Variants in COL16A1 observed in about 807,000 individuals in gnomAD.
The protein encoded by COL16A1 is collagen alpha-1(XVI) chain.
COL16A1 carries 189 observed loss-of-function variants against 266.3 expected under a neutral mutation model. The ratio of observed to expected loss-of-function variants is 0.71; its 90% CI spans 0.63 to 0.80. The LOEUF (loss-of-function observed/expected upper bound fraction) is 0.80, where lower values mean the gene tolerates loss of function less well. COL16A1 is among the 30% of genes least tolerant of loss of function. The pLI is 0.00. For missense variants in COL16A1, 1,928 were observed against 2,122.4 expected (o/e 0.91, Z 1.80); for synonymous variants, 740 against 782.3 (o/e 0.95, Z 0.90).
At chr1:31,691,922 G>A in intron 17 of COL16A1, 83 bp downstream of exon 17, 2 of 1,598,274 alleles carry the variant, frequency 1.3e-6, no homozygotes, top group Non-Finnish European at 1.7e-6. Flanking sequence ...CAAGGGGAGG[G>A]GGCTGGATTC....
intron 11 of COL16A1, 120 bp downstream of exon 11, chr1:31,695,066 C>G (rs1300643065): frequency 9.1e-6 from 9 of 986,644 alleles, no homozygotes; most frequent in Admixed American, 2.0e-5. Flanking sequence ...GGGCAGGGAG[C>G]GAGTGTGAAA....
chr1:31,694,500 C>T (rs1644409183), intron 11 of COL16A1, among the ~76,000 whole-genome samples: 1 of 152,162 alleles, frequency 6.6e-6, no homozygotes, highest in Non-Finnish European at 1.5e-5. Context: ...TGGTGGGGGA[C>T]TGGATTGAAA....
In COL16A1 at chr1:31,681,027, G is replaced by A. The variant is rs1643599767; in HGVS notation, c.2579C>T (p.Thr860Ile). 1.9e-6 allele frequency: 3 copies of A among 1,613,708 alleles called. No homozygotes were observed. Among genetic ancestry groups the A allele is most frequent in the Non-Finnish European group, 2.5e-6 (3 of 1,179,808 alleles). The change falls in exon 38 of 71, where the codon ACA (threonine) becomes ATA (isoleucine). Residue 860 changes from threonine to isoleucine, a missense_variant. Around this residue, in one of 2 missense-constraint regions of COL16A1, gnomAD observed 1,552 missense variants for 1,637.2 expected, o/e 0.95. Coordinates refer to ENST00000373672, the MANE Select transcript of COL16A1 (RefSeq NM_001856.4). ...GQQGQTGLRGTPGEKGPRGEK... is the reference protein window; with the variant it reads ...GQQGQTGLRGIPGEKGPRGEK... ...GCCCCAAGGCACTGTACTCACTGGT[G>A]TTCCTCTGAGTCCCGTCTGTCCTTG...
Position 31,690,552 on chromosome 1 carries a change from T to C in COL16A1, c.1459A>G (p.Lys487Glu), listed in dbSNP as rs1197064083. The C allele has an allele frequency of 6.2e-7, 1 of 1,613,790 alleles. No homozygotes were observed. Among genetic ancestry groups the C allele is most frequent in the South Asian group, 1.1e-5 (1 of 91,064 alleles). Residue 487 changes from lysine to glutamate, a missense_variant, in exon 21 of 71, where the codon AAG (lysine) becomes GAG (glutamate). Lys to Glu is a moderately conservative substitution (Grantham distance 56). Around this residue, in one of 2 missense-constraint regions of COL16A1, gnomAD observed 1,552 missense variants for 1,637.2 expected, o/e 0.95. Coordinates refer to ENST00000373672, the MANE Select transcript of COL16A1 (RefSeq NM_001856.4). Reference sequence around the variant, plus strand: ...ACAGGTTTCCCACCAGGGCCTTCCTTTCCTGGGATCCCCGAGCTGCCCTGT... The same window carrying C: ...ACAGGTTTCCCACCAGGGCCTTCCTCTCCTGGGATCCCCGAGCTGCCCTGT... ...GDKGSSGIPG[K>E]EGPGGKPGKP...
chr1:31,702,864 C>T (rs1344071625), intron 1 of COL16A1, among the ~76,000 whole-genome samples: 1 of 152,128 alleles, frequency 6.6e-6, no homozygotes, highest in Non-Finnish European at 1.5e-5. Flanking sequence ...ACCTCATTGC[C>T]AGCCACCCCC....
chr1:31,678,113 T>C (rs1321750308), intron 42 of COL16A1, among the ~76,000 whole-genome samples: 1 of 150,934 alleles, frequency 6.6e-6, no homozygotes, highest in Admixed American at 6.6e-5. Flanking sequence ...ATTGGGATCC[T>C]GGCAGAGACT....
rs115606583 is a variant in COL16A1, at chr1:31,692,475, T to C, written c.1193A>G (p.Lys398Arg). ...CCCCTCCAAATCCAGGCTTGTTACC[T>C]TCTCGCCTGTTGAGCCTGGGAGTCC... ...PSGLPGSTGE[K>R]GQKGEKGDGG... The change falls in exon 16 of 71, where the codon AAG becomes AGG. Residue 398 changes from lysine to arginine, a missense_variant and splice_region_variant. Transcript: ENST00000373672. 10,370 of 1,613,108 alleles carry C rather than the reference T, an allele frequency of 6.4e-3. 42 individuals are homozygous for C. Among genetic ancestry groups the C allele is most frequent in the Non-Finnish European group, 7.3e-3 (8,594 of 1,179,320 alleles).
At position 31,698,349 on chromosome 1, in the gene COL16A1, G is replaced by C. The variant is rs2297674; in HGVS notation, c.390+134C>G. On this transcript the variant is annotated intron_variant, in intron 5 of 70. Transcript: ENST00000373672. This position sits in a 1 kb window ranked among gnomAD's most constrained non-coding sequence, Gnocchi z 4.1. Reference sequence around the variant, plus strand: ...TGAAAGAATGAGGTAGGTACTGGTGGGCTGGGGACAGGCTTGAGGGTAGGC... The same window carrying C: ...TGAAAGAATGAGGTAGGTACTGGTGCGCTGGGGACAGGCTTGAGGGTAGGC... The C allele has an allele frequency of 0.63, 954,666 of 1,521,124 alleles. 302,802 individuals carry two copies. The highest frequency in any genetic ancestry group is 0.65 in the Non-Finnish European group (728,897 of 1,127,834). 94.2% of individuals were successfully genotyped at this position (1,521,124 alleles called of 1,614,324 possible). A position where few individuals can be genotyped will look rare whatever the true frequency, so the allele number is the denominator to read the frequency against.
rs767815437 is a variant in COL16A1, at chr1:31,685,763, G to T, written c.1892C>A (p.Pro631His). The T allele has an allele frequency of 2.6e-5, 42 of 1,613,658 alleles. No homozygotes were observed. Among genetic ancestry groups the T allele is most frequent in the Non-Finnish European group, 3.3e-5 (39 of 1,179,946 alleles). Reference sequence around the variant, plus strand: ...GGACAGGGCTGGGCACGGCTCACAGGGCTCCCCCTGCCAAGCAAGGACATT... The same window carrying T: ...GGACAGGGCTGGGCACGGCTCACAGTGCTCCCCCTGCCAAGCAAGGACATT... ...PAGIKGAKGE[P>H]CEPCPALSNL... Residue 631 changes from proline to histidine, a missense_variant, in exon 29 of 71, where the codon CCC becomes CAC. Pro to His is a moderately conservative substitution (Grantham distance 77, BLOSUM62 -2). Around this residue, in one of 2 missense-constraint regions of COL16A1, gnomAD observed 1,552 missense variants for 1,637.2 expected, o/e 0.95. Coordinates refer to ENST00000373672, the MANE Select transcript of COL16A1 (RefSeq NM_001856.4). The surrounding 1 kb of genome is among the most constrained non-coding windows in gnomAD (Gnocchi z 4.0).
At chr1:31,681,627 C>T (rs1643648299) in intron 37 of COL16A1, among the ~76,000 whole-genome samples, 1 of 152,232 alleles carries the variant, frequency 6.6e-6, no homozygotes, top group Non-Finnish European at 1.5e-5. Context: ...GGATGGAATT[C>T]AGCATGAGTA....
In COL16A1 at chr1:31,694,412, C is replaced by T. The variant is rs369097716; in HGVS notation, c.982-242G>A. 2.0e-5 allele frequency among the ~76,000 whole-genome samples: 3 copies of T among 152,224 alleles called. No individual in the cohort carries two copies. In the South Asian group the frequency reaches 6.2e-4, roughly 32 times the overall value. ...GCCTGGCTTTGGTTAGCTCCGCCTCCCAGTTGCTGGGATAACATGGCTGCT... is the reference window on the plus strand; with the variant it reads ...GCCTGGCTTTGGTTAGCTCCGCCTCTCAGTTGCTGGGATAACATGGCTGCT... On this transcript the variant is annotated intron_variant, in intron 11 of 70. Coordinates refer to ENST00000373672, the MANE Select transcript of COL16A1 (RefSeq NM_001856.4).
chr1:31,661,155 C>A (rs1317974036), intron 60 of COL16A1, 36 bp from the exon 61 acceptor site: 2 of 1,552,764 alleles, frequency 1.3e-6, no homozygotes. Context: ...CTTACCAGAC[C>A]TTCACTTGAC....
chr1:31,653,431 TC>T (rs1349124177), intron 70 of COL16A1, 167 bp downstream of exon 70: 8 of 783,826 alleles, frequency 1.0e-5, no homozygotes, highest in Non-Finnish European at 2.0e-6. Context: ...CGCCCCCACA[TC>T]CCCACAGGCC....
chr1:31,695,344 G>A (rs1644449228), intron 10 of COL16A1, 123 bp from the exon 11 acceptor site: 8 of 930,760 alleles, frequency 8.6e-6, no homozygotes, highest in South Asian at 7.2e-5. Context: ...AGGGGAGCCT[G>A]AAGATAGGAA....
intron 26 of COL16A1, among the ~76,000 whole-genome samples, chr1:31,687,393 A>C (rs868864382): frequency 7.1e-6 from 1 of 140,218 alleles, no homozygotes; most frequent in South Asian, 2.4e-4. Context: ...AAAAAAAAAA[A>C]AAAAAAACCA....
chr1:31,662,678 C>CA lies in COL16A1; in HGVS notation c.3556-21_3556-20insT, dbSNP rs1641792804. ...GCTGCCCTGGAAACCAGCGCCGCCC[C>CA]CCCCCCCCGCCCCACAATAAAGTCA... On this transcript the variant is annotated intron_variant, in intron 56 of 70. Coordinates refer to ENST00000373672, the MANE Select transcript of COL16A1 (RefSeq NM_001856.4). The CA allele has an allele frequency of 4.4e-6, 5 of 1,146,570 alleles. No individual in the cohort carries two copies. The highest frequency in any genetic ancestry group is 2.6e-5 in the East Asian group (1 of 37,752). 71.0% of individuals were successfully genotyped at this position (1,146,570 alleles called of 1,614,324 possible).
intron 60 of COL16A1, 46 bp downstream of exon 60, chr1:31,661,368 C>T (rs1641648541): frequency 6.2e-7 from 1 of 1,613,626 alleles, no homozygotes; most frequent in Admixed American, 1.7e-5. Flanking sequence ...GGCAAGCCTT[C>T]AGGAGAGCAG....
At chr1:31,658,454 C>A in intron 64 of COL16A1, 34 bp downstream of exon 64, 1 of 1,547,960 alleles carries the variant, frequency 6.5e-7, no homozygotes, top group Non-Finnish European at 8.8e-7. Context: ...TGACTCTTTC[C>A]CCCTGGGCTA....
At chr1:31,689,993 G>A (rs371437653) in intron 22 of COL16A1, 142 bp from the exon 23 acceptor site, 73 of 687,628 alleles carry the variant, frequency 1.1e-4, no homozygotes, top group Middle Eastern at 4.0e-4. Context: ...CAGGAATGCC[G>A]CTGGGGCTTC....
Sources: gnomAD v4.1 joint callset for allele counts (sites outside exome capture counted in the v4.1 genomes callset) on GRCh38, gnomAD v4.1.1 for gene constraint, gnomAD v4.1.1 regional missense constraint, Gnocchi (gnomAD v3.1) non-coding constraint, MANE v1.5 for transcripts, NCBI Gene and HGNC (gene_info 2026-07-23, HGNC 2026-07-21) for gene names.